The following CPLANE1 variants were observed in gnomAD, a reference collection of about 807,000 sequenced individuals.
CPLANE1 encodes ciliogenesis and planar polarity effector complex subunit 1, also known as ciliogenesis and planar polarity effector 1.
CPLANE1 carries 263 observed loss-of-function variants against 362.5 expected under a neutral mutation model. That is an observed-to-expected ratio of 0.73 (90% CI 0.66 to 0.80). The LOEUF (loss-of-function observed/expected upper bound fraction) is 0.80, where lower values mean the gene tolerates loss of function less well. Ranked by LOEUF, CPLANE1 falls within the 30% of genes least tolerant of loss-of-function variation. The pLI is 0.00. For synonymous variants in CPLANE1, 1,212 were observed against 1,302.6 expected, an observed-to-expected ratio of 0.93 and a Z score of 1.50; for missense variants, 3,461 against 3,793.4, an observed-to-expected ratio of 0.91 and a Z score of 2.30.
chr5:37,079,564 G>A, the CPLANE1 span, among the ~76,000 whole-genome samples: 1 of 152,160 alleles, frequency 6.6e-6, no homozygotes, highest in Non-Finnish European at 1.5e-5. Context: ...CACAAGCTGG[G>A]TCATTCCCAA....
chr5:37,116,259 C>T (rs919175307), intron 50 of CPLANE1, among the ~76,000 whole-genome samples: 5 of 151,908 alleles, frequency 3.3e-5, no homozygotes, highest in Non-Finnish European at 7.4e-5. Flanking sequence ...CCAAAGCTGG[C>T]GGATCACTTG....
the CPLANE1 span, among the ~76,000 whole-genome samples, chr5:37,098,138 A>C: frequency 1.3e-5 from 2 of 152,078 alleles, no homozygotes; most frequent in Non-Finnish European, 2.9e-5. Context: ...TCACGCCTGT[A>C]ATCCCAGCAC....
chr5:37,114,858 C>T, intron 51 of CPLANE1, 102 bp downstream of exon 51: 1 of 670,678 alleles, frequency 1.5e-6, no homozygotes, highest in Non-Finnish European at 2.5e-6. Flanking sequence ...GACATTGCAC[C>T]ACTGCACTCC....
chr5:37,215,728 C>G (rs1396894175), intron 15 of CPLANE1, among the ~76,000 whole-genome samples: 2 of 142,784 alleles, frequency 1.4e-5, no homozygotes, highest in African/African-American at 5.2e-5. Context: ...TCCCGTTTTT[C>G]CTTCTCTTTC....
At chr5:37,142,094 C>A (rs1445479804) in intron 44 of CPLANE1, 30 of 1,026,704 alleles carry the variant, frequency 2.9e-5, no homozygotes, top group Non-Finnish European at 3.5e-5. Context: ...TAAGTTACAC[C>A]AAGATATGAT....
Position 37,245,505 on chromosome 5 carries a change from G to T in CPLANE1, c.311C>A (p.Pro104His). 2 of 1,499,972 alleles carry T rather than the reference G, an allele frequency of 1.3e-6. No homozygotes were observed. Among genetic ancestry groups the T allele is most frequent in the South Asian group, 2.7e-5 (2 of 73,736 alleles). 92.9% of individuals were successfully genotyped at this position (1,499,972 alleles called of 1,614,324 possible). ...GACTGTAGCTTTGATCATTTCCTTA[G>T]GCTTTTCAGTTATTGGTATAGTTTT... ...CLKTIPITEK[P>H]KEMIKATVAS... Residue 104 changes from proline (P) to histidine (H), a missense_variant, in exon 4 of 53, where the codon CCT becomes CAT. Coordinates refer to ENST00000651892, the MANE Select transcript of CPLANE1 (RefSeq NM_001384732.1).
At chr5:37,108,179 T>C in intron 52 of CPLANE1, 114 bp downstream of exon 52, 1 of 1,002,138 alleles carries the variant, frequency 1.0e-6, no homozygotes, top group Non-Finnish European at 1.5e-6. Context: ...TAACAACTTT[T>C]CAGTATTTCC....
At chr5:37,168,432 G>A (rs1235470614) in intron 34 of CPLANE1, among the ~76,000 whole-genome samples, 1 of 151,938 alleles carries the variant, frequency 6.6e-6, no homozygotes, top group Non-Finnish European at 1.5e-5. Context: ...TCTTCCCAGA[G>A]CAGCAGAAAT....
At chr5:37,120,389 C>A in intron 49 of CPLANE1, 49 bp from the exon 50 acceptor site, 1 of 1,490,438 alleles carries the variant, frequency 6.7e-7, no homozygotes, top group Non-Finnish European at 9.0e-7. Flanking sequence ...CTCATATCAG[C>A]GATAAACTTT....
At chr5:37,187,611 T>A in intron 22 of CPLANE1, 39 bp from the exon 23 acceptor site, 2 of 1,586,010 alleles carry the variant, frequency 1.3e-6, no homozygotes, top group Non-Finnish European at 1.7e-6. Flanking sequence ...CCTTTTTAGT[T>A]TAGATGGTAG....
At chr5:37,237,189 G>T (rs1373757847) in intron 8 of CPLANE1, among the ~76,000 whole-genome samples, 1 of 152,136 alleles carries the variant, frequency 6.6e-6, no homozygotes, top group Non-Finnish European at 1.5e-5. Context: ...AGAATCAACA[G>T]AACCATCTAT....
At chr5:37,159,443 T>C (rs1024982110) in intron 38 of CPLANE1, among the ~76,000 whole-genome samples, 16 of 152,250 alleles carry the variant, frequency 1.1e-4, no homozygotes, top group Admixed American at 9.2e-4. Context: ...TATCATTCAG[T>C]GGTGTATAGT....
Position 37,187,542 on chromosome 5 carries a change from T to G in CPLANE1, c.3952A>C (p.Ile1318Leu). 1 of 1,608,492 alleles carries G rather than the reference T, an allele frequency of 6.2e-7. No homozygotes were observed. Among genetic ancestry groups the G allele is most frequent in the Non-Finnish European group, 8.5e-7 (1 of 1,178,676 alleles). The change falls in exon 23 of 53, where the codon ATT becomes CTT. Residue 1318 changes from isoleucine to leucine, a missense_variant. By Grantham distance (5) the Ile-to-Leu change is conservative (BLOSUM62 2). Transcript: ENST00000651892. Reference protein sequence around the residue: ...DLEVEFDSCMIEHCLSAVEWA... With the variant: ...DLEVEFDSCMLEHCLSAVEWA... ...TCCACTGCACTAAGACAGTGCTCAA[T>G]CATACAAGAATCAAACTCCACTTCA...
intron 21 of CPLANE1, among the ~76,000 whole-genome samples, chr5:37,190,500 C>T (rs887424054): frequency 6.6e-6 from 1 of 151,670 alleles, no homozygotes; most frequent in African/African-American, 2.4e-5. Flanking sequence ...ATCACTTGAA[C>T]CTGGGAGGTC....
the CPLANE1 span, among the ~76,000 whole-genome samples, chr5:37,089,492 T>C: frequency 2.0e-5 from 3 of 152,138 alleles, no homozygotes; most frequent in Admixed American, 2.0e-4. Flanking sequence ...AGAGGGCCCA[T>C]GAATTAGTTG....
rs1161096932 is a variant in CPLANE1, at chr5:37,206,231, G to C, written c.3115C>G (p.Gln1039Glu). 1 of 1,551,800 alleles carries C rather than the reference G, an allele frequency of 6.4e-7. No homozygotes were observed. ...KTSVSIGVAF[Q>E]LFCKRDSNFM... ...TTGCTATCACGTTTACAGAACAGCTGGAAAGCCACACCAATTGAAACAGAC... is the reference window on the plus strand; with the variant it reads ...TTGCTATCACGTTTACAGAACAGCTCGAAAGCCACACCAATTGAAACAGAC... The change falls in exon 17 of 53, where the codon CAG (glutamine) becomes GAG (glutamate). Residue 1039 changes from glutamine (Q) to glutamate (E), a missense_variant. Gln to Glu is a conservative substitution (Grantham distance 29). Transcript: ENST00000651892.
intron 37 of CPLANE1, among the ~76,000 whole-genome samples, chr5:37,163,376 A>G (rs1448828769): frequency 1.3e-5 from 2 of 152,176 alleles, no homozygotes; most frequent in African/African-American, 4.8e-5. Flanking sequence ...CATAGGAGGA[A>G]AAAACAGTTG....
chr5:37,201,521 A>G (rs991779043), intron 19 of CPLANE1, 70 bp downstream of exon 19: 1 of 1,277,668 alleles, frequency 7.8e-7, no homozygotes. Flanking sequence ...GATTATTATC[A>G]AGTTAATTAT....
intron 9 of CPLANE1, among the ~76,000 whole-genome samples, chr5:37,230,559 GC>G (rs1797520198): frequency 6.6e-6 from 1 of 151,926 alleles, no homozygotes; most frequent in Non-Finnish European, 1.5e-5. Flanking sequence ...TTTTCTAAGT[GC>G]TATTATTTTA....
Sources: allele counts gnomAD v4.1 joint callset (sites outside exome capture counted in the v4.1 genomes callset), GRCh38; gene constraint gnomAD v4.1.1; transcripts MANE v1.5; gene names NCBI Gene and HGNC (gene_info 2026-07-23, HGNC 2026-07-21).